CACNA1I: variants seen among roughly 807,000 people sequenced by gnomAD.
CACNA1I encodes voltage-dependent T-type calcium channel subunit alpha-1I.
Under a neutral mutation model 201.6 loss-of-function variants are expected in CACNA1I, and 74 were observed. The observed-to-expected ratio is 0.37, with a 90% confidence interval of 0.30 to 0.45. The LOEUF (loss-of-function observed/expected upper bound fraction) is 0.45, where lower values mean the gene tolerates loss of function less well. Ranked by LOEUF, CACNA1I falls within the 20% of genes least tolerant of loss-of-function variation. The probability of loss-of-function intolerance (pLI) is 1.00; values close to 1 mark genes in which losing one functional copy is unlikely to be tolerated. For missense variants in CACNA1I, 2,346 were observed against 3,138.1 expected, an observed-to-expected ratio of 0.75 and a Z score of 6.03; for synonymous variants, 1,431 against 1,345.2, an observed-to-expected ratio of 1.06 and a Z score of -1.40.
chr22:39,650,083 C>T (rs1934605274), intron 10 of CACNA1I, among the ~76,000 whole-genome samples, 158 bp downstream of exon 10: 1 of 151,954 alleles, frequency 6.6e-6, no homozygotes, highest in Non-Finnish European at 1.5e-5. Flanking sequence ...TGTGACCTTA[C>T]TGCCCAGCCA....
intron 3 of CACNA1I, among the ~76,000 whole-genome samples, chr22:39,602,554 T>C (rs80279269): frequency 1.2e-3 from 3 of 2,548 alleles, no homozygotes; most frequent in Non-Finnish European, 2.4e-3. Context: ...CTTTAAGTAG[T>C]TTTTTTTTAA....
At chr22:39,577,276 T>C (rs1333117273) in intron 1 of CACNA1I, among the ~76,000 whole-genome samples, 2 of 152,250 alleles carry the variant, frequency 1.3e-5, no homozygotes, top group African/African-American at 2.4e-5. Context: ...CTTCAGGTAA[T>C]CTGCGCAGCT....
rs978051248 is a variant in CACNA1I at position 39,601,247 on chromosome 22, C to T, written c.482+594C>T. Among the ~76,000 whole-genome samples, 9 of 152,340 alleles carry T rather than the reference C, an allele frequency of 5.9e-5. No individual in the cohort carries two copies. The South Asian group carries it at 1.2e-3, about 21-fold the overall frequency. ...ACAACTTGCTCCCCAGTGTTGGCGC[C>T]GCCCTAGCTGCTGGGGGCAAGGAGG... On this transcript the variant is annotated intron_variant, in intron 3 of 36. Transcript: ENST00000402142.
chr22:39,634,331 AC>A (rs1360138343), intron 4 of CACNA1I, among the ~76,000 whole-genome samples: 4 of 152,198 alleles, frequency 2.6e-5, no homozygotes, highest in Non-Finnish European at 4.4e-5. Flanking sequence ...TTGTTCATTC[AC>A]AATCTAGTGT....
chr22:39,687,715 G>A lies in CACNA1I; in HGVS notation c.*1310G>A. 6.6e-6 allele frequency: 1 copy of A among 152,212 alleles called. No individual in the cohort carries two copies. Among genetic ancestry groups the A allele is most frequent in the East Asian group, 1.9e-4 (1 of 5,182 alleles). The allele number at this position is 152,212 out of a possible 1,614,324, so 9.4% of individuals were successfully genotyped here. On this transcript the variant is annotated 3_prime_UTR_variant, in exon 37 of 37. Transcript: ENST00000402142. ...CACTATAGCAGTGCTTCCCAAACGG[G>A]TTCTAGACTTGGGTGTTTGATTTGA...
In CACNA1I at chr22:39,662,813, A is replaced by G; in HGVS notation, c.3410A>G (p.Tyr1137Cys). The G allele has an allele frequency of 1.2e-6, 2 of 1,601,534 alleles. No individual in the cohort carries two copies. The highest frequency in any genetic ancestry group is 1.7e-5 in the Admixed American group (1 of 58,952). ...CFRVRKMIDVYKPDWCEVRED... is the reference protein window; with the variant it reads ...CFRVRKMIDVCKPDWCEVRED... ...CGCGTCCGCAAGATGATCGACGTCT[A>G]TAAGCCCGACTGGTGCGAGGTCCGC... The change falls in exon 18 of 37, where the codon TAT becomes TGT. Residue 1137 changes from tyrosine to cysteine, a missense_variant. This residue lies in a region of CACNA1I where 158 missense variants were observed against 231.6 expected (regional missense o/e 0.68). Transcript: ENST00000402142.
chr22:39,609,420 T>C (rs1534883), intron 3 of CACNA1I, among the ~76,000 whole-genome samples: 67,054 of 152,144 alleles, frequency 0.44, 15,545 homozygotes, highest in Non-Finnish European at 0.5. Flanking sequence ...TTTTCTGACA[T>C]AACACAAAGT....
chr22:39,582,537 T>C (rs1041120265), intron 1 of CACNA1I, among the ~76,000 whole-genome samples: 1 of 152,000 alleles, frequency 6.6e-6, no homozygotes, highest in African/African-American at 2.4e-5. Flanking sequence ...GTCTCTGAGA[T>C]CTCTTGAAGC....
intron 10 of CACNA1I, chr22:39,656,573 T>C (rs955320934): frequency 1.9e-6 from 1 of 516,398 alleles, no homozygotes; most frequent in Admixed American, 1.9e-5. Flanking sequence ...CCTGACTCCC[T>C]CACCACTGCC....
chr22:39,677,478 G>T lies in CACNA1I; in HGVS notation c.4933+59G>T. ...GTGCAGCAGGGCTGCAGGAGGAACT[G>T]GGGGGGCGGGGGAGGCCTGAGACCC... On this transcript the variant is annotated intron_variant, in intron 30 of 36. Transcript: ENST00000402142. This position sits in a 1 kb window ranked among gnomAD's most constrained non-coding sequence, Gnocchi z 4.8. The T allele has an allele frequency of 7.5e-6, 9 of 1,204,568 alleles. No homozygotes were observed. Among genetic ancestry groups the T allele is most frequent in the Non-Finnish European group, 9.1e-6 (8 of 876,216 alleles). The allele number at this position is 1,204,568 out of a possible 1,614,324, so 74.6% of individuals were successfully genotyped here. A position where few individuals can be genotyped will look rare whatever the true frequency, so the allele number is the denominator to read the frequency against.
In CACNA1I at chr22:39,664,088, C is replaced by T; in HGVS notation, c.3598-3C>T. 6 of 1,613,484 alleles carry T rather than the reference C, an allele frequency of 3.7e-6. No individual in the cohort carries two copies. The highest frequency in any genetic ancestry group is 5.1e-6 in the Non-Finnish European group (6 of 1,179,590). ...AGCCTATGGTATCTCCCGATGCTTT[C>T]AGGAACGCATCTTTCTCACCGTGTC... On this transcript the variant is annotated splice_polypyrimidine_tract_variant and splice_region_variant and intron_variant, in intron 19 of 36. Coordinates refer to ENST00000402142, the MANE Select transcript of CACNA1I (RefSeq NM_021096.4).
At position 39,625,001 on chromosome 22, in the gene CACNA1I, C is replaced by T. The variant is rs181760373; in HGVS notation, c.580+5594C>T. Reference sequence around the variant, plus strand: ...TTGGCTCACTGCAACCTCCACCTCCCGGTTCAAGAGATTCTCCTGCCTCAG... The same window carrying T: ...TTGGCTCACTGCAACCTCCACCTCCTGGTTCAAGAGATTCTCCTGCCTCAG... On this transcript the variant is annotated intron_variant, in intron 4 of 36. Transcript: ENST00000402142. Among the ~76,000 whole-genome samples, 136 of 150,874 alleles carry T rather than the reference C, an allele frequency of 9.0e-4. No homozygotes were observed. The East Asian group carries it at 0.017, about 19-fold the overall frequency.
intron 3 of CACNA1I, among the ~76,000 whole-genome samples, chr22:39,608,778 CCACTACA>C (rs969471810): frequency 4.6e-5 from 7 of 151,926 alleles, no homozygotes; most frequent in African/African-American, 1.7e-4. Context: ...CAAGATTGCG[CCACTACA>C]CTGCAGCCTG....
intron 5 of CACNA1I, among the ~76,000 whole-genome samples, chr22:39,637,210 G>A (rs1041404813): frequency 6.6e-6 from 1 of 152,212 alleles, no homozygotes; most frequent in Non-Finnish European, 1.5e-5. Flanking sequence ...GCCTCAGGAT[G>A]CTCTGGGCTT....
intron 1 of CACNA1I, among the ~76,000 whole-genome samples, chr22:39,594,590 A>G (rs976167678): frequency 6.6e-6 from 1 of 151,942 alleles, no homozygotes; most frequent in African/African-American, 2.4e-5. Context: ...AGAGGCCACG[A>G]GTAGGCAGCA....
chr22:39,689,557 G>A lies in CACNA1I; in HGVS notation c.*3152G>A, dbSNP rs1429286340. On this transcript the variant is annotated 3_prime_UTR_variant, in exon 37 of 37. Transcript: ENST00000402142. ...CCTCCTCCAGAAAGCCCTCGGCCTG[G>A]GCCGCCGCCGTGACTCTAGCACTCT... 2 of 152,810 alleles carry A rather than the reference G, an allele frequency of 1.3e-5. No homozygotes were observed. The highest frequency in any genetic ancestry group is 1.3e-4 in the Admixed American group (2 of 15,292). 9.5% of individuals were successfully genotyped at this position (152,810 alleles called of 1,614,324 possible).
chr22:39,611,063 G>A (rs56317205), intron 3 of CACNA1I, among the ~76,000 whole-genome samples: 3,602 of 152,242 alleles, frequency 0.024, 116 homozygotes, highest in African/African-American at 0.081. Context: ...GGTCAGGGAG[G>A]CTGGAAAGGG....
Position 39,677,244 on chromosome 22 carries a change from G to T in CACNA1I, c.4855-97G>T, listed in dbSNP as rs1935539451. ...ATGTTACAGCTGCTCTGACCCACAG[G>T]CTGCCCAACCCCACTGCCCCAGCCT... On this transcript the variant is annotated intron_variant, in intron 29 of 36. Transcript: ENST00000402142. This position sits in a 1 kb window ranked among gnomAD's most constrained non-coding sequence, Gnocchi z 4.8. 2 of 760,400 alleles carry T rather than the reference G, an allele frequency of 2.6e-6. No homozygotes were observed. The highest frequency in any genetic ancestry group is 3.4e-5 in the African/African-American group (2 of 57,994). 47.1% of individuals were successfully genotyped at this position (760,400 alleles called of 1,614,324 possible).
At chr22:39,598,016 G>C in intron 1 of CACNA1I, 135 bp from the exon 2 acceptor site, 1 of 641,578 alleles carries the variant, frequency 1.6e-6, no homozygotes, top group Non-Finnish European at 2.9e-6. Context: ...TTCAGGGATG[G>C]CACCCAGAGG....
Sources: gnomAD v4.1 joint callset for allele counts (sites outside exome capture counted in the v4.1 genomes callset) on GRCh38, gnomAD v4.1.1 for gene constraint, gnomAD v4.1.1 regional missense constraint, Gnocchi (gnomAD v3.1) non-coding constraint, MANE v1.5 for transcripts, NCBI Gene and HGNC (gene_info 2026-07-23, HGNC 2026-07-21) for gene names.